The following SFI1 variants were observed in gnomAD, a reference collection of about 807,000 sequenced individuals.
SFI1 encodes the protein SFI1 centrin binding protein.
SFI1 carries 195 observed loss-of-function variants against 207.5 expected under a neutral mutation model. The ratio of observed to expected loss-of-function variants is 0.94; its 90% confidence interval spans 0.84 to 1.06. The LOEUF (loss-of-function observed/expected upper bound fraction) is 1.06. SFI1 is among the 50% of genes least tolerant of loss of function. SFI1 has a pLI of 0.00. For synonymous variants in SFI1, 630 were observed against 598.9 expected (o/e 1.05, Z -0.76); for missense variants, 1,634 against 1,588.0 (o/e 1.03, Z -0.49).
chr22:31,577,479 C>T (rs1285220362), intron 10 of SFI1, among the ~76,000 whole-genome samples: 2 of 152,164 alleles, frequency 1.3e-5, no homozygotes, highest in South Asian at 2.1e-4. Flanking sequence ...GCAATGGTAG[C>T]TCACTACAGT....
At chr22:31,571,755 CATA>C (rs2062977924) in intron 8 of SFI1, among the ~76,000 whole-genome samples, 2 of 152,038 alleles carry the variant, frequency 1.3e-5, no homozygotes, top group Admixed American at 1.3e-4. Flanking sequence ...CCCACATAAC[CATA>C]ATATCATTAT....
intron 2 of SFI1, among the ~76,000 whole-genome samples, chr22:31,512,637 C>T (rs2146774362): frequency 6.6e-6 from 1 of 151,792 alleles, no homozygotes; most frequent in Non-Finnish European, 1.5e-5. Flanking sequence ...CCTGCCTCAG[C>T]CTCCCAAGTA....
At chr22:31,568,141 G>T (rs1397766494) in intron 8 of SFI1, among the ~76,000 whole-genome samples, 2 of 141,726 alleles carry the variant, frequency 1.4e-5, no homozygotes, top group Non-Finnish European at 3.1e-5. Flanking sequence ...TATCAATATG[G>T]ACTCTCTCTC....
chr22:31,531,249 T>A (rs1187139649), intron 4 of SFI1, 120 bp downstream of exon 4: 5 of 748,150 alleles, frequency 6.7e-6, no homozygotes, highest in Non-Finnish European at 1.1e-5. Context: ...CAGCCTCCAG[T>A]AGGTAGAAGC....
At chr22:31,590,975 A>ATT (rs997391866) in intron 15 of SFI1, among the ~76,000 whole-genome samples, 1 of 137,248 alleles carries the variant, frequency 7.3e-6, no homozygotes, top group Non-Finnish European at 1.6e-5. Flanking sequence ...TTATTTATTT[A>ATT]TTTATTTTTT....
At chr22:31,577,595 G>A (rs2145989377) in intron 10 of SFI1, among the ~76,000 whole-genome samples, 1 of 152,198 alleles carries the variant, frequency 6.6e-6, no homozygotes, top group African/African-American at 2.4e-5. Context: ...AAGAAGAGAA[G>A]AGGCTGGGGG....
At chr22:31,503,546 G>T (rs1243462935) in intron 1 of SFI1, among the ~76,000 whole-genome samples, 1 of 151,012 alleles carries the variant, frequency 6.6e-6, no homozygotes, top group East Asian at 1.9e-4. Flanking sequence ...ATGTTTAACT[G>T]GGAGTCAACA....
At chr22:31,591,276 G>C (rs1239649119) in intron 15 of SFI1, among the ~76,000 whole-genome samples, 1 of 152,110 alleles carries the variant, frequency 6.6e-6, no homozygotes, top group African/African-American at 2.4e-5. Flanking sequence ...GAGAGCACAG[G>C]GTTGGGGGTA....
At chr22:31,499,840 T>C (rs1253988161) in intron 1 of SFI1, among the ~76,000 whole-genome samples, 1 of 150,524 alleles carries the variant, frequency 6.6e-6, no homozygotes, top group African/African-American at 2.5e-5. Flanking sequence ...AATACAAATA[T>C]TACCAGGCAC....
rs59382278 is a variant in SFI1, at chr22:31,549,288, T to TAAAAAA, written c.450-944_450-939dup. On this transcript the variant is annotated intron_variant, in intron 5 of 32. Coordinates refer to ENST00000400288, the MANE Select transcript of SFI1 (RefSeq NM_001007467.3). Reference sequence around the variant, plus strand: ...CTAGGTGACAGAGTGAGACCCTGTGTAAAAAAAAAAAAAAAAAAAAAAAAA... The same window carrying TAAAAAA: ...CTAGGTGACAGAGTGAGACCCTGTGTAAAAAAAAAAAAAAAAAAAAAAAAAAAAAAA... 8.7e-3 allele frequency among the ~76,000 whole-genome samples: 325 copies of TAAAAAA among 37,186 alleles called. 28 individuals carry two copies. The highest frequency in any genetic ancestry group is 0.024 in the African/African-American group (191 of 8,052). 24.4% of individuals were successfully genotyped at this position (37,186 alleles called of 152,430 possible). A position where few individuals can be genotyped will look rare whatever the true frequency, so the allele number is the denominator to read the frequency against.
intron 2 of SFI1, among the ~76,000 whole-genome samples, chr22:31,526,213 G>A (rs1406314485): frequency 1.3e-5 from 2 of 152,184 alleles, no homozygotes; most frequent in Admixed American, 6.5e-5. Flanking sequence ...ATGCTGCTAT[G>A]AAGAAATATC....
chr22:31,589,211 CGTGTGTGT>C (rs10597618), intron 14 of SFI1, among the ~76,000 whole-genome samples: 15 of 149,740 alleles, frequency 1.0e-4, no homozygotes, highest in South Asian at 4.3e-4. Flanking sequence ...TATGTGTGTG[CGTGTGTGT>C]GTGTGTGTGT....
intron 31 of SFI1, 109 bp from the exon 32 acceptor site, chr22:31,618,006 C>T: frequency 7.9e-7 from 1 of 1,273,650 alleles, no homozygotes; most frequent in East Asian, 2.6e-5. Context: ...CAGACCACCT[C>T]TCTCCACCCG....
At chr22:31,589,233 TGTAGA>T (rs1275186937) in intron 14 of SFI1, among the ~76,000 whole-genome samples, 1 of 151,050 alleles carries the variant, frequency 6.6e-6, no homozygotes, top group African/African-American at 2.4e-5. Flanking sequence ...TGTGTGTGTG[TGTAGA>T]AATGTTTAAC....
chr22:31,596,108 C>T lies in SFI1; in HGVS notation c.1545-6104C>T, dbSNP rs570619636. Among the ~76,000 whole-genome samples, 19 of 152,124 alleles carry T rather than the reference C, an allele frequency of 1.2e-4. 1 individual carries two copies. The South Asian group carries it at 3.3e-3, about 27-fold the overall frequency. ...TGTCTACTAAAAATACAAAAATTAGCGGGGCGTGGTGGTGCATGCTTATAA... is the reference window on the plus strand; with the variant it reads ...TGTCTACTAAAAATACAAAAATTAGTGGGGCGTGGTGGTGCATGCTTATAA... On this transcript the variant is annotated intron_variant, in intron 15 of 32. Coordinates refer to ENST00000400288, the MANE Select transcript of SFI1 (RefSeq NM_001007467.3).
chr22:31,585,668 A>G (rs761953687), intron 14 of SFI1, among the ~76,000 whole-genome samples: 10 of 152,220 alleles, frequency 6.6e-5, no homozygotes, highest in Non-Finnish European at 2.9e-5. Context: ...TGTGATATAA[A>G]GTCAATAAAA....
chr22:31,513,245 G>A (rs777755249), intron 2 of SFI1, among the ~76,000 whole-genome samples: 1 of 151,936 alleles, frequency 6.6e-6, no homozygotes, highest in African/African-American at 2.4e-5. Flanking sequence ...TGCAGCCTCA[G>A]CCTCCTGGGA....
At chr22:31,616,465 G>A in intron 29 of SFI1, 2 of 391,956 alleles carry the variant, frequency 5.1e-6, no homozygotes, top group Non-Finnish European at 9.1e-6. Context: ...GGCAAGGCTA[G>A]GAACAGCTGC....
intron 1 of SFI1, among the ~76,000 whole-genome samples, chr22:31,498,010 GTGGGC>G (rs1187794073): frequency 6.6e-6 from 1 of 152,182 alleles, no homozygotes; most frequent in Non-Finnish European, 1.5e-5. Flanking sequence ...AATACATTTT[GTGGGC>G]TGGGCATGGT....
Sources: gnomAD v4.1 joint callset for allele counts (sites outside exome capture counted in the v4.1 genomes callset) on GRCh38, gnomAD v4.1.1 for gene constraint, MANE v1.5 for transcripts, NCBI Gene and HGNC (gene_info 2026-07-23, HGNC 2026-07-21) for gene names.